The following ZBTB40 variants were observed in gnomAD, a reference collection of about 807,000 sequenced individuals.
ZBTB40 encodes zinc finger and BTB domain-containing protein 40.
Under a neutral mutation model 117.5 loss-of-function variants are expected in ZBTB40, and 60 were observed. The ratio of observed to expected loss-of-function variants is 0.51; its 90% confidence interval spans 0.41 to 0.63. The LOEUF (loss-of-function observed/expected upper bound fraction) is 0.63. ZBTB40 is among the 30% of genes least tolerant of loss of function. ZBTB40 has a pLI of 0.00. For missense variants in ZBTB40, 1,287 were observed against 1,498.5 expected (o/e 0.86, Z 2.33); for synonymous variants, 525 against 577.1 (o/e 0.91, Z 1.29).
intron 1 of ZBTB40, among the ~76,000 whole-genome samples, chr1:22,473,583 T>C (rs1641465787): frequency 6.6e-6 from 1 of 152,202 alleles, no homozygotes; most frequent in African/African-American, 2.4e-5. Flanking sequence ...GAGTGCAGGA[T>C]ATCATTAGGG....
intron 1 of ZBTB40, among the ~76,000 whole-genome samples, chr1:22,480,498 C>CGTTGTT (rs376728466): frequency 1.3e-5 from 2 of 151,896 alleles, no homozygotes; most frequent in African/African-American, 2.4e-5. Context: ...TTTTCTGTGT[C>CGTTGTT]GTTGTTGTTG....
intron 5 of ZBTB40, among the ~76,000 whole-genome samples, chr1:22,504,304 C>T (rs938849632): frequency 2.0e-5 from 3 of 152,000 alleles, no homozygotes; most frequent in Non-Finnish European, 4.4e-5. Flanking sequence ...AAGCAGTAAC[C>T]AGGAACATAT....
intron 1 of ZBTB40, among the ~76,000 whole-genome samples, chr1:22,437,686 C>T (rs577096491): frequency 2.0e-5 from 3 of 152,162 alleles, no homozygotes; most frequent in Non-Finnish European, 4.4e-5. Flanking sequence ...TCCCAAAGCG[C>T]TGGGATTACA....
chr1:22,465,075 T>G (rs548580029), intron 1 of ZBTB40, among the ~76,000 whole-genome samples: 100 of 152,190 alleles, frequency 6.6e-4, no homozygotes, highest in African/African-American at 2.4e-3. Flanking sequence ...AAGAGCAGAT[T>G]TATTTAGTGT....
rs1639240202 is a variant in ZBTB40, at chr1:22,511,704, G to A, written c.2031G>A (p.Lys677=). The A allele has an allele frequency of 1.2e-6, 2 of 1,609,672 alleles. No individual in the cohort carries two copies. The highest frequency in any genetic ancestry group is 1.7e-6 in the Non-Finnish European group (2 of 1,178,856). The change falls in exon 11 of 18, where the codon AAG becomes AAA. Residue 677 remains lysine, a synonymous_variant. Transcript: ENST00000375647. ...IGVLTKEDGE[K]ETWKVSNKFH... Reference sequence around the variant, plus strand: ...TCCTTACTAAGGAAGATGGAGAGAAGGAAACGTGGAAGGTGAGTAATAAAT... The same window carrying A: ...TCCTTACTAAGGAAGATGGAGAGAAAGAAACGTGGAAGGTGAGTAATAAAT...
At chr1:22,433,097 AT>A (rs944735184) in intron 1 of ZBTB40, among the ~76,000 whole-genome samples, 1 of 152,090 alleles carries the variant, frequency 6.6e-6, no homozygotes, top group African/African-American at 2.4e-5. Context: ...CAGATCGAAA[AT>A]GTTTGGGGAA....
chr1:22,463,636 G>A (rs1436575553), intron 1 of ZBTB40, among the ~76,000 whole-genome samples: 1 of 152,188 alleles, frequency 6.6e-6, no homozygotes, highest in Non-Finnish European at 1.5e-5. Flanking sequence ...AGGAGATTTT[G>A]CAGTTTGGTC....
intron 2 of ZBTB40, 59 bp downstream of exon 2, chr1:22,490,704 A>G: frequency 5.7e-6 from 9 of 1,580,980 alleles, no homozygotes; most frequent in South Asian, 1.1e-5. Flanking sequence ...ATCAGTTTTA[A>G]TGTTTGATTA....
chr1:22,490,863 G>A (rs1477067283), intron 2 of ZBTB40, among the ~76,000 whole-genome samples: 3 of 152,108 alleles, frequency 2.0e-5, no homozygotes, highest in South Asian at 2.1e-4. Context: ...GAATAATGAC[G>A]TACCATTTCG....
intron 1 of ZBTB40, among the ~76,000 whole-genome samples, chr1:22,466,238 A>T (rs550641075): frequency 6.6e-6 from 1 of 152,370 alleles, no homozygotes; most frequent in Non-Finnish European, 1.5e-5. Context: ...TGGATGAATA[A>T]TATTCCATTG....
intron 13 of ZBTB40, among the ~76,000 whole-genome samples, chr1:22,517,939 A>C (rs1007277088): frequency 1.3e-5 from 2 of 152,190 alleles, no homozygotes; most frequent in African/African-American, 4.8e-5. Flanking sequence ...ATTGTATTTC[A>C]CACAGTTAGT....
At chr1:22,475,719 C>G (rs1641536666) in intron 1 of ZBTB40, among the ~76,000 whole-genome samples, 1 of 152,170 alleles carries the variant, frequency 6.6e-6, no homozygotes, top group Non-Finnish European at 1.5e-5. Context: ...TTCAATCATT[C>G]CAGTGTTGGA....
intron 1 of ZBTB40, among the ~76,000 whole-genome samples, chr1:22,437,468 T>C (rs1640684662): frequency 6.6e-6 from 1 of 151,530 alleles, no homozygotes; most frequent in Non-Finnish European, 1.5e-5. Flanking sequence ...TTGCCCAGGC[T>C]GGAGTGCAGT....
intron 14 of ZBTB40, 99 bp from the exon 15 acceptor site, chr1:22,521,397 G>C (rs1431050911): frequency 1.3e-6 from 2 of 1,494,882 alleles, no homozygotes; most frequent in African/African-American, 1.4e-5. Context: ...AGAAACGTCA[G>C]CTTATCCAAA....
chr1:22,441,430 TTCTCTCTTGTTTC>T (rs1360763020), intron 1 of ZBTB40, among the ~76,000 whole-genome samples: 1 of 151,660 alleles, frequency 6.6e-6, no homozygotes, highest in East Asian at 1.9e-4. Context: ...TGTTTTTCTG[TTCTCTCTTGTTTC>T]TCTCTGCTTC....
intron 1 of ZBTB40, among the ~76,000 whole-genome samples, chr1:22,429,389 AAAG>A (rs1312354803): frequency 2.0e-5 from 3 of 152,072 alleles, no homozygotes; most frequent in Non-Finnish European, 4.4e-5. Context: ...TCAAAAAAAA[AAAG>A]AAAGAAATTC....
intron 1 of ZBTB40, among the ~76,000 whole-genome samples, chr1:22,452,466 G>A (rs1348873024): frequency 6.6e-6 from 1 of 152,210 alleles, no homozygotes; most frequent in Non-Finnish European, 1.5e-5. Flanking sequence ...AATATTTCAT[G>A]TAATTTGCGA....
chr1:22,437,026 G>T (rs192383269), intron 1 of ZBTB40, among the ~76,000 whole-genome samples: 1 of 152,112 alleles, frequency 6.6e-6, no homozygotes, highest in Non-Finnish European at 1.5e-5. Flanking sequence ...ACTTTTGCAC[G>T]TGATGAAAAT....
intron 16 of ZBTB40, among the ~76,000 whole-genome samples, 188 bp downstream of exon 16, chr1:22,522,651 C>T (rs1237914524): frequency 3.3e-5 from 5 of 152,164 alleles, no homozygotes; most frequent in Non-Finnish European, 7.3e-5. Context: ...GCCTTGGCAT[C>T]AATAAGCATC....
Sources: gnomAD v4.1 joint callset for allele counts (sites outside exome capture counted in the v4.1 genomes callset) on GRCh38, gnomAD v4.1.1 for gene constraint, MANE v1.5 for transcripts, NCBI Gene and HGNC (gene_info 2026-07-23, HGNC 2026-07-21) for gene names.